Variants in AARS1 observed in about 807,000 individuals in gnomAD.
AARS1 encodes the protein alanine--tRNA ligase, cytoplasmic.
AARS1 carries 72 observed loss-of-function variants against 108.9 expected under a neutral mutation model. The observed-to-expected ratio is 0.66, with a 90% confidence interval of 0.55 to 0.80. The LOEUF (loss-of-function observed/expected upper bound fraction) is 0.80. AARS1 is among the 30% of genes least tolerant of loss of function. AARS1 has a pLI of 0.00. For synonymous variants in AARS1, 489 were observed against 465.7 expected, an observed-to-expected ratio of 1.05 and a Z score of -0.64; for missense variants, 1,193 against 1,233.2, an observed-to-expected ratio of 0.97 and a Z score of 0.49.
Position 70,253,315 on chromosome 16 carries a change from C to T in AARS1, c.2674G>A (p.Val892Met). 6.2e-7 allele frequency: 1 copy of T among 1,614,206 alleles called. No individual in the cohort carries two copies. The highest frequency in any genetic ancestry group is 8.5e-7 in the Non-Finnish European group (1 of 1,180,026). Reference sequence around the variant, plus strand: ...GTGATCTTGCCAGCCTCATTGTCCACCGTGAAGAGCATGGCAGAAGTCTGA... The same window carrying T: ...GTGATCTTGCCAGCCTCATTGTCCATCGTGAAGAGCATGGCAGAAGTCTGA... ...SPQTSAMLFT[V>M]DNEAGKITCL... The change falls in exon 20 of 21, where the codon GTG becomes ATG. Residue 892 changes from valine to methionine, a missense_variant. Coordinates refer to ENST00000261772, the MANE Select transcript of AARS1 (RefSeq NM_001605.3).
At chr16:70,281,899 C>A (rs544122656) in intron 2 of AARS1, among the ~76,000 whole-genome samples, 17 of 151,820 alleles carry the variant, frequency 1.1e-4, no homozygotes, top group South Asian at 1.0e-3. Context: ...TGCCTGTAAT[C>A]CCAGCGCTTT....
intron 13 of AARS1, 108 bp from the exon 14 acceptor site, chr16:70,259,294 G>T: frequency 8.6e-7 from 1 of 1,156,894 alleles, no homozygotes. Context: ...ATATGGCTGT[G>T]CAGAATAAAG....
At chr16:70,284,417 A>G (rs1012896816) in intron 1 of AARS1, among the ~76,000 whole-genome samples, 2 of 150,936 alleles carry the variant, frequency 1.3e-5, no homozygotes, top group African/African-American at 4.9e-5. Context: ...CTTGGCTAAC[A>G]TGGTGAAACC....
chr16:70,270,768 CG>C (rs1421145828), intron 5 of AARS1, among the ~76,000 whole-genome samples: 1 of 143,606 alleles, frequency 7.0e-6, no homozygotes, highest in Non-Finnish European at 1.5e-5. Flanking sequence ...ACCCAGGAGG[CG>C]GAGGTTGTGG....
intron 9 of AARS1, among the ~76,000 whole-genome samples, chr16:70,266,982 G>C (rs111583584): frequency 2.6e-5 from 4 of 151,944 alleles, no homozygotes; most frequent in African/African-American, 9.7e-5. Context: ...GATTACAGGC[G>C]CATGCCACCA....
In AARS1 at chr16:70,252,780, C is replaced by G. The variant is rs1265252735; in HGVS notation, c.2848G>C (p.Glu950Gln). ...ATGKNVGCLQ[E>Q]ALQLATSFAQ... ...AAGGAAGTGGCCAGCTGCAGCGCCT[C>G]CTGCAGGCAGCCAACGTTCTTGCCT... Residue 950 changes from glutamate (E) to glutamine (Q), a missense_variant, in exon 21 of 21, where the codon GAG (glutamate) becomes CAG (glutamine). Coordinates refer to ENST00000261772, the MANE Select transcript of AARS1 (RefSeq NM_001605.3). The G allele has an allele frequency of 6.2e-7, 1 of 1,614,200 alleles. No homozygotes were observed.
chr16:70,267,886 A>AGAG, intron 8 of AARS1, 77 bp from the exon 9 acceptor site: 1 of 1,599,130 alleles, frequency 6.3e-7, no homozygotes, highest in Non-Finnish European at 8.5e-7. Context: ...AAAGCTCCTT[A>AGAG]GCTGGGTGCA....
At chr16:70,286,961 C>G (rs1960860098) in intron 1 of AARS1, among the ~76,000 whole-genome samples, 2 of 146,002 alleles carry the variant, frequency 1.4e-5, no homozygotes, top group Admixed American at 6.8e-5. Flanking sequence ...ACTAAAAATA[C>G]AAAAATTAGG....
chr16:70,279,947 G>A (rs1321891377), intron 2 of AARS1, among the ~76,000 whole-genome samples: 1 of 152,090 alleles, frequency 6.6e-6, no homozygotes, highest in Admixed American at 6.6e-5. Flanking sequence ...CTGGAGTCCA[G>A]TGGCACGATC....
At chr16:70,282,516 G>C (rs1034290717) in intron 2 of AARS1, 104 bp downstream of exon 2, 1 of 1,383,012 alleles carries the variant, frequency 7.2e-7, no homozygotes, top group Non-Finnish European at 1.0e-6. Flanking sequence ...ATCACACAGG[G>C]AGTGACAGAA....
Position 70,279,350 on chromosome 16 carries a change from C to CAA in AARS1, c.145-2198_145-2197dup, listed in dbSNP as rs57438636. Among the ~76,000 whole-genome samples the CAA allele has an allele frequency of 1.9e-3, 70 of 37,792 alleles. 1 individual carries two copies. The highest frequency in any genetic ancestry group is 6.6e-3 in the African/African-American group (57 of 8,628). 24.8% of individuals were successfully genotyped at this position (37,792 alleles called of 152,430 possible). ...GGGGTGACAGGGCAAAACTTCATCT[C>CAA]AAAAAAAAAAAAAAAAAAAAAAAAA... is the stretch of plus-strand genomic sequence containing the variant. On this transcript the variant is annotated intron_variant, in intron 2 of 20. Coordinates refer to ENST00000261772, the MANE Select transcript of AARS1 (RefSeq NM_001605.3).
At chr16:70,288,692 G>T (rs928448894) in intron 1 of AARS1, among the ~76,000 whole-genome samples, 2 of 151,538 alleles carry the variant, frequency 1.3e-5, no homozygotes, top group Non-Finnish European at 2.9e-5. Context: ...TCAGCCTCCG[G>T]AGTGGCTGAG....
chr16:70,279,101 C>T (rs1267981085), intron 2 of AARS1, among the ~76,000 whole-genome samples: 1 of 152,100 alleles, frequency 6.6e-6, no homozygotes, highest in African/African-American at 2.4e-5. Flanking sequence ...CCTGTAATCC[C>T]AGCACTTTGT....
At chr16:70,261,671 A>T (rs1189614999) in intron 12 of AARS1, among the ~76,000 whole-genome samples, 7 of 131,814 alleles carry the variant, frequency 5.3e-5, no homozygotes, top group Middle Eastern at 4.3e-3. Flanking sequence ...GCATCTTAGA[A>T]TTTTTTTTTT....
At chr16:70,288,098 C>CTTTTTT (rs34369477) in intron 1 of AARS1, among the ~76,000 whole-genome samples, 20 of 83,910 alleles carry the variant, frequency 2.4e-4, no homozygotes, top group East Asian at 7.5e-4. Flanking sequence ...TCCCCTTCTT[C>CTTTTTT]TTTTTTTTTT....
Position 70,257,243 on chromosome 16 carries a change from CA to C in AARS1, c.2177+789del, listed in dbSNP as rs56734965. 1.6e-3 allele frequency among the ~76,000 whole-genome samples: 218 copies of C among 133,590 alleles called. 1 individual carries two copies. The highest frequency in any genetic ancestry group is 4.0e-3 in the Middle Eastern group (1 of 250). The allele number at this position is 133,590 out of a possible 152,430, so 87.6% of individuals were successfully genotyped here. A position where few individuals can be genotyped will look rare whatever the true frequency, so the allele number is the denominator to read the frequency against. ...CAGCCTGGGCAATGAAACTCCGTCTCAAAAAAAAAAAAAGAATGTTCTCTTC... is the reference window on the plus strand; with the variant it reads ...CAGCCTGGGCAATGAAACTCCGTCTCAAAAAAAAAAAAGAATGTTCTCTTC... On this transcript the variant is annotated intron_variant, in intron 15 of 20. Transcript: ENST00000261772.
At chr16:70,258,914 T>G in intron 14 of AARS1, 66 bp downstream of exon 14, 1 of 1,533,666 alleles carries the variant, frequency 6.5e-7, no homozygotes, top group Non-Finnish European at 9.0e-7. Flanking sequence ...AGCACCGCAC[T>G]GCTAAGACTG....
chr16:70,285,603 C>A (rs903577148), intron 1 of AARS1, among the ~76,000 whole-genome samples: 1 of 152,144 alleles, frequency 6.6e-6, no homozygotes, highest in Admixed American at 6.6e-5. Flanking sequence ...TAAGTGCCAC[C>A]ACACCCAGCT....
Position 70,262,453 on chromosome 16 carries a change from C to T in AARS1, c.1564G>A (p.Gly522Ser). The part of the protein sequence containing the change: ...EKMFVEEVST[G>S]QECGVVLDKT... ...TCCAGCACCACTCCACACTCCTGGC[C>T]TGTGGACACCTCTTCCACGAACATC... Residue 522 changes from glycine to serine, a missense_variant, in exon 12 of 21, where the codon GGC (glycine) becomes AGC (serine). Physicochemically the swap from Gly to Ser is moderately conservative, Grantham distance 56. Transcript: ENST00000261772. The T allele has an allele frequency of 1.2e-6, 2 of 1,614,182 alleles. No individual in the cohort carries two copies. Among genetic ancestry groups the T allele is most frequent in the Admixed American group, 1.7e-5 (1 of 60,018 alleles).
Sources: gnomAD v4.1 joint callset for allele counts (sites outside exome capture counted in the v4.1 genomes callset) on GRCh38, gnomAD v4.1.1 for gene constraint, MANE v1.5 for transcripts, NCBI Gene and HGNC (gene_info 2026-07-23, HGNC 2026-07-21) for gene names.